Variants in LAMA2 observed in about 807,000 individuals in gnomAD.
LAMA2 encodes laminin subunit alpha-2.
Under a neutral mutation model 364.8 loss-of-function variants are expected in LAMA2, and 269 were observed. The observed-to-expected ratio is 0.74, with a 90% CI of 0.67 to 0.82. LAMA2 has a LOEUF of 0.82. Ranked by LOEUF, LAMA2 falls within the 40% of genes least tolerant of loss-of-function variation. LAMA2 has a pLI of 0.00. For synonymous variants in LAMA2, 1,379 were observed against 1,370.6 expected, an observed-to-expected ratio of 1.01 and a Z score of -0.14; for missense variants, 3,807 against 3,873.2, an observed-to-expected ratio of 0.98 and a Z score of 0.45.
intron 1 of LAMA2, among the ~76,000 whole-genome samples, chr6:128,933,883 C>T (rs551825353): frequency 2.2e-4 from 33 of 152,186 alleles, no homozygotes; most frequent in African/African-American, 7.9e-4. Context: ...TATCCCATAC[C>T]ACAACTTGCC....
At chr6:128,994,969 A>G (rs1783837498) in intron 1 of LAMA2, among the ~76,000 whole-genome samples, 1 of 152,176 alleles carries the variant, frequency 6.6e-6, no homozygotes, top group South Asian at 2.1e-4. Context: ...CTCTTCAGTG[A>G]CACATTTAAT....
chr6:129,088,523 G>A (rs927357427), intron 3 of LAMA2, among the ~76,000 whole-genome samples: 4 of 150,562 alleles, frequency 2.7e-5, no homozygotes, highest in African/African-American at 9.8e-5. Flanking sequence ...GCCAGGCGGG[G>A]GCTGCCCCCT....
chr6:128,960,949 A>C (rs2114592796), intron 1 of LAMA2, among the ~76,000 whole-genome samples: 1 of 151,962 alleles, frequency 6.6e-6, no homozygotes, highest in East Asian at 1.9e-4. Flanking sequence ...TTTCTGGGAA[A>C]ATTTTGCTGT....
At chr6:128,960,734 T>C (rs997746086) in intron 1 of LAMA2, among the ~76,000 whole-genome samples, 2 of 152,336 alleles carry the variant, frequency 1.3e-5, no homozygotes, top group East Asian at 1.9e-4. Context: ...ACCTTTATCT[T>C]ACAACATTTT....
chr6:129,042,210 C>A (rs1787149156), intron 1 of LAMA2, among the ~76,000 whole-genome samples: 1 of 151,694 alleles, frequency 6.6e-6, no homozygotes, highest in Non-Finnish European at 1.5e-5. Context: ...GAGGCTGAGG[C>A]AGGAGAATCA....
intron 8 of LAMA2, chr6:129,158,787 CTT>C: frequency 6.2e-7 from 1 of 1,614,226 alleles, no homozygotes; most frequent in Non-Finnish European, 8.5e-7. Context: ...TTTGGAGAAT[CTT>C]TGCACTGAAA....
intron 12 of LAMA2, among the ~76,000 whole-genome samples, chr6:129,208,356 A>G (rs1782819003): frequency 6.6e-6 from 1 of 152,162 alleles, no homozygotes; most frequent in Admixed American, 6.6e-5. Flanking sequence ...TCTGAAAATG[A>G]TAAGCATTTG....
intron 58 of LAMA2, among the ~76,000 whole-genome samples, chr6:129,498,240 ACTG>A (rs1337530627): frequency 5.9e-5 from 9 of 152,232 alleles, no homozygotes; most frequent in African/African-American, 1.7e-4. Flanking sequence ...GAATTCCTGT[ACTG>A]ATGAGCTCTC....
intron 37 of LAMA2, among the ~76,000 whole-genome samples, chr6:129,400,659 G>A (rs1422106452): frequency 6.6e-6 from 1 of 152,158 alleles, no homozygotes; most frequent in Non-Finnish European, 1.5e-5. Flanking sequence ...ATGTACTTTT[G>A]AGACAAGCTA....
At chr6:129,247,934 T>A (rs2114267336) in intron 12 of LAMA2, among the ~76,000 whole-genome samples, 1 of 152,244 alleles carries the variant, frequency 6.6e-6, no homozygotes, top group East Asian at 1.9e-4. Context: ...CTTTTCCCCC[T>A]TCCCACCTCT....
chr6:129,170,776 T>C (rs1277083875), intron 9 of LAMA2, among the ~76,000 whole-genome samples: 7 of 151,588 alleles, frequency 4.6e-5, no homozygotes, highest in Admixed American at 3.9e-4. Context: ...CAGTGGGGTG[T>C]TAAAGTCTCC....
intron 1 of LAMA2, among the ~76,000 whole-genome samples, chr6:128,957,043 C>T (rs1031920952): frequency 3.5e-4 from 53 of 152,238 alleles, no homozygotes; most frequent in African/African-American, 1.2e-3. Flanking sequence ...TCAGGACACT[C>T]TTCTGTGTTT....
chr6:129,281,631 A>G (rs183420663), intron 18 of LAMA2, among the ~76,000 whole-genome samples: 80 of 152,272 alleles, frequency 5.3e-4, no homozygotes, highest in Admixed American at 5.2e-3. Flanking sequence ...CTTTAATGCA[A>G]GTGAGGATGG....
At chr6:128,926,147 C>A (rs1186629874) in intron 1 of LAMA2, among the ~76,000 whole-genome samples, 2 of 151,910 alleles carry the variant, frequency 1.3e-5, no homozygotes, top group African/African-American at 4.8e-5. Context: ...TGCCTTTTTT[C>A]TTTTTCTTTT....
intron 15 of LAMA2, among the ~76,000 whole-genome samples, chr6:129,263,146 TG>T (rs1265241682): frequency 6.6e-6 from 1 of 152,174 alleles, no homozygotes; most frequent in Non-Finnish European, 1.5e-5. Flanking sequence ...ATTGTTTGTT[TG>T]TTCGTACTTT....
At chr6:128,915,210 G>A (rs897891997) in intron 1 of LAMA2, among the ~76,000 whole-genome samples, 10 of 152,082 alleles carry the variant, frequency 6.6e-5, no homozygotes, top group African/African-American at 9.7e-5. Context: ...ATTTGCCTCC[G>A]TCAAAATGTT....
At chr6:129,051,398 C>A (rs1320222415) in intron 2 of LAMA2, among the ~76,000 whole-genome samples, 3 of 148,958 alleles carry the variant, frequency 2.0e-5, no homozygotes, top group African/African-American at 7.3e-5. Context: ...CTGCAACCGC[C>A]ATCTCCCGGG....
At chr6:128,960,350 T>C (rs1781403326) in intron 1 of LAMA2, among the ~76,000 whole-genome samples, 1 of 150,918 alleles carries the variant, frequency 6.6e-6, no homozygotes, top group South Asian at 2.1e-4. Flanking sequence ...TTCCTTTTTT[T>C]TTTTTGAGAC....
intron 4 of LAMA2, among the ~76,000 whole-genome samples, chr6:129,102,728 G>T (rs936364885): frequency 2.0e-5 from 3 of 152,182 alleles, no homozygotes; most frequent in Non-Finnish European, 2.9e-5. Flanking sequence ...AAGAGAATGT[G>T]TAGAAATAAT....
Sources: allele counts gnomAD v4.1 joint callset (sites outside exome capture counted in the v4.1 genomes callset), GRCh38; gene constraint gnomAD v4.1.1; transcripts MANE v1.5; gene names NCBI Gene and HGNC (gene_info 2026-07-23, HGNC 2026-07-21).